NRXN1: variants seen among roughly 807,000 people sequenced by gnomAD.
NRXN1 encodes neurexin-1.
NRXN1 carries 39 observed loss-of-function variants against 150.9 expected under a neutral mutation model. The observed-to-expected ratio is 0.26, with a 90% CI of 0.20 to 0.34. The LOEUF is 0.34. NRXN1 is among the 10% of genes least tolerant of loss of function. The pLI is 1.00. For missense variants in NRXN1, 1,815 were observed against 1,949.9 expected (o/e 0.93, Z 1.30); for synonymous variants, 924 against 757.0 (o/e 1.22, Z -3.62).
chr2:50,632,241 C>T (rs1472713250), intron 5 of NRXN1: 1 of 151,954 alleles, frequency 6.6e-6, no homozygotes, highest in Non-Finnish European at 1.5e-5. Flanking sequence ...TAGAATCAGA[C>T]TGGGGTGGTC....
At chr2:50,388,028 G>A (rs971760311) in intron 17 of NRXN1, among the ~76,000 whole-genome samples, 3 of 152,252 alleles carry the variant, frequency 2.0e-5, no homozygotes, top group East Asian at 1.9e-4. Context: ...CAAGAGAGCA[G>A]TCCACAGCTT....
intron 18 of NRXN1, among the ~76,000 whole-genome samples, chr2:50,203,646 C>G (rs764122944): frequency 6.6e-6 from 1 of 152,080 alleles, no homozygotes; most frequent in African/African-American, 2.4e-5. Context: ...TGTACAAGTC[C>G]ATATTCTTAG....
chr2:50,534,133 A>G (rs2093193243), intron 10 of NRXN1, among the ~76,000 whole-genome samples: 1 of 152,006 alleles, frequency 6.6e-6, no homozygotes, highest in African/African-American at 2.4e-5. Flanking sequence ...ACACACATAC[A>G]CACACAGTGA....
chr2:50,806,178 A>G (rs1041839715), intron 5 of NRXN1, among the ~76,000 whole-genome samples: 15 of 152,188 alleles, frequency 9.9e-5, no homozygotes, highest in African/African-American at 3.6e-4. Context: ...TTCCAGTTTG[A>G]TGTAGGCAGG....
At chr2:50,752,907 G>T (rs1700761754) in intron 5 of NRXN1, among the ~76,000 whole-genome samples, 1 of 151,850 alleles carries the variant, frequency 6.6e-6, no homozygotes, top group African/African-American at 2.4e-5. Context: ...CCTTAAAGCT[G>T]CCCCCAAATT....
At chr2:50,956,150 T>C (rs1202680185) in intron 2 of NRXN1, among the ~76,000 whole-genome samples, 2 of 152,092 alleles carry the variant, frequency 1.3e-5, no homozygotes, top group Non-Finnish European at 2.9e-5. Context: ...TACACAACAG[T>C]AACATATTTT....
chr2:50,619,433 G>A (rs1457302904), intron 8 of NRXN1: 1 of 152,620 alleles, frequency 6.6e-6, no homozygotes, highest in African/African-American at 2.4e-5. Flanking sequence ...CTGATAATGA[G>A]GGATGAAATT....
At chr2:50,030,185 G>A (rs1688988629) in intron 21 of NRXN1, among the ~76,000 whole-genome samples, 1 of 152,128 alleles carries the variant, frequency 6.6e-6, no homozygotes. Context: ...GTTGCTTCCT[G>A]ACTATAGGCC....
chr2:50,355,916 G>A (rs192513344), intron 17 of NRXN1, among the ~76,000 whole-genome samples: 1 of 152,046 alleles, frequency 6.6e-6, no homozygotes, highest in African/African-American at 2.4e-5. Flanking sequence ...AGGTTTATTG[G>A]TGAGTTATTT....
chr2:50,954,488 G>A (rs1691941750), intron 2 of NRXN1, among the ~76,000 whole-genome samples: 1 of 152,158 alleles, frequency 6.6e-6, no homozygotes, highest in South Asian at 2.1e-4. Flanking sequence ...GCAGAACAGG[G>A]ACATGCAGGA....
intron 5 of NRXN1, among the ~76,000 whole-genome samples, chr2:50,702,677 T>TAA (rs749300538): frequency 2.0e-5 from 3 of 152,160 alleles, no homozygotes; most frequent in African/African-American, 4.8e-5. Flanking sequence ...TTGCTGTACT[T>TAA]ACATTGTATG....
intron 10 of NRXN1, among the ~76,000 whole-genome samples, chr2:50,534,098 T>TGC (rs2093190712): frequency 8.4e-6 from 1 of 119,468 alleles, no homozygotes; most frequent in African/African-American, 4.2e-5. Flanking sequence ...AATCAATAAT[T>TGC]GCACACACAC....
At chr2:50,597,043 G>T (rs1675354557) in intron 8 of NRXN1, among the ~76,000 whole-genome samples, 1 of 151,946 alleles carries the variant, frequency 6.6e-6, no homozygotes, top group African/African-American at 2.4e-5. Context: ...TGTAGGGATG[G>T]GGTTTCACCA....
intron 5 of NRXN1, among the ~76,000 whole-genome samples, chr2:50,838,519 C>T (rs752683227): frequency 2.2e-4 from 34 of 151,998 alleles, no homozygotes; most frequent in Non-Finnish European, 4.9e-4. Flanking sequence ...CAGAATGTGA[C>T]CTTATATGGA....
At chr2:50,504,140 T>TAAAA (rs70948715) in intron 13 of NRXN1, among the ~76,000 whole-genome samples, 12 of 112,406 alleles carry the variant, frequency 1.1e-4, no homozygotes, top group African/African-American at 1.5e-4. Context: ...ACATGACAAC[T>TAAAA]AAAAAAAAAA....
chr2:51,008,844 G>A (rs532047818), intron 2 of NRXN1, among the ~76,000 whole-genome samples: 6 of 151,486 alleles, frequency 4.0e-5, no homozygotes, highest in African/African-American at 7.3e-5. Flanking sequence ...TTTTAATTTC[G>A]TGATAATATT....
At chr2:50,570,405 T>A (rs1670492549) in intron 8 of NRXN1, among the ~76,000 whole-genome samples, 1 of 152,194 alleles carries the variant, frequency 6.6e-6, no homozygotes, top group Non-Finnish European at 1.5e-5. Context: ...CTATTAGTAA[T>A]CTCATTTAGA....
intron 21 of NRXN1, among the ~76,000 whole-genome samples, chr2:50,033,883 G>T (rs1298066419): frequency 6.6e-6 from 1 of 150,776 alleles, no homozygotes; most frequent in Non-Finnish European, 1.5e-5. Context: ...AAAACGCTCA[G>T]CATCATTGAT....
chr2:50,683,465 T>C (rs1690718292), intron 5 of NRXN1, among the ~76,000 whole-genome samples: 1 of 148,430 alleles, frequency 6.7e-6, no homozygotes, highest in African/African-American at 2.5e-5. Flanking sequence ...ACCCCGTCTC[T>C]ACTAAAAATA....
Sources: gnomAD v4.1 joint callset for allele counts (sites outside exome capture counted in the v4.1 genomes callset) on GRCh38, gnomAD v4.1.1 for gene constraint, MANE v1.5 for transcripts, NCBI Gene and HGNC (gene_info 2026-07-23, HGNC 2026-07-21) for gene names.